MATN2: variants seen among roughly 807,000 people sequenced by gnomAD.
The protein encoded by MATN2 is matrilin-2.
In MATN2, 69 loss-of-function variants were observed where a neutral mutation model predicts 103.2. That is an observed-to-expected ratio of 0.67 (90% CI 0.55 to 0.82). The LOEUF (loss-of-function observed/expected upper bound fraction) is 0.82. MATN2 is among the 40% of genes least tolerant of loss of function. MATN2 has a pLI of 0.00. For missense variants in MATN2, 1,023 were observed against 1,211.5 expected, an observed-to-expected ratio of 0.84 and a Z score of 2.31; for synonymous variants, 429 against 450.2, an observed-to-expected ratio of 0.95 and a Z score of 0.60.
chr8:98,036,385 TTTA>T lies in MATN2; in HGVS notation c.*674_*676del, dbSNP rs1189446721. 6.6e-6 allele frequency: 1 copy of T among 152,230 alleles called. No individual in the cohort carries two copies. Among genetic ancestry groups the T allele is most frequent in the African/African-American group, 2.4e-5 (1 of 41,462 alleles). 9.4% of individuals were successfully genotyped at this position (152,230 alleles called of 1,614,324 possible). A position where few individuals can be genotyped will look rare whatever the true frequency, so the allele number is the denominator to read the frequency against. ...CAGCTTAGCAAAAATGAGTATATTT[TTTA>T]ACAAGTGTTGGTAAGGATGTGGAAA... is the stretch of plus-strand genomic sequence containing the variant. On this transcript the variant is annotated 3_prime_UTR_variant, in exon 19 of 19. Coordinates refer to ENST00000254898, the MANE Select transcript of MATN2 (RefSeq NM_002380.5).
In MATN2 at chr8:97,876,186, ATT is replaced by A. The variant is rs899171638; in HGVS notation, c.-27+6918_-27+6919del. Among the ~76,000 whole-genome samples the A allele has an allele frequency of 8.6e-3, 915 of 106,254 alleles. 11 individuals are homozygous for A. The highest frequency in any genetic ancestry group is 0.03 in the African/African-American group (806 of 26,764). The allele number at this position is 106,254 out of a possible 152,430, so 69.7% of individuals were successfully genotyped here. On this transcript the variant is annotated intron_variant, in intron 1 of 18. Transcript: ENST00000254898. Reference sequence around the variant, plus strand: ...GCCACCACGCTTGGCTAATTATTGTATTTTTTTTTTTTTTTTTTTTGAGACAG... The same window carrying A: ...GCCACCACGCTTGGCTAATTATTGTATTTTTTTTTTTTTTTTTTGAGACAG...
intron 2 of MATN2, among the ~76,000 whole-genome samples, chr8:97,899,380 G>A (rs1818913972): frequency 2.6e-5 from 4 of 152,132 alleles, no homozygotes; most frequent in Admixed American, 1.3e-4. Flanking sequence ...CTAGAAATTT[G>A]AGTTGTATAT....
chr8:97,916,478 C>A (rs970221934), intron 2 of MATN2, among the ~76,000 whole-genome samples: 4 of 152,150 alleles, frequency 2.6e-5, no homozygotes, highest in African/African-American at 9.7e-5. Flanking sequence ...CAGATTATTT[C>A]ATCATCCAGG....
chr8:97,984,551 G>A (rs1190549071), intron 6 of MATN2, among the ~76,000 whole-genome samples: 2 of 152,204 alleles, frequency 1.3e-5, no homozygotes, highest in Non-Finnish European at 2.9e-5. Flanking sequence ...TTGTTGAACT[G>A]AGATCCTCCT....
Position 97,979,021 on chromosome 8 carries a change from C to A in MATN2, c.1081+13C>A. ...AAAACGTGCACAAGTAAGTTACACA[C>A]ACATGCACACACAGAGAAATATTTG... On this transcript the variant is annotated intron_variant, in intron 6 of 18. Coordinates refer to ENST00000254898, the MANE Select transcript of MATN2 (RefSeq NM_002380.5). The A allele has an allele frequency of 6.3e-7, 1 of 1,596,802 alleles. No homozygotes were observed. Among genetic ancestry groups the A allele is most frequent in the Non-Finnish European group, 8.5e-7 (1 of 1,171,556 alleles).
intron 6 of MATN2, among the ~76,000 whole-genome samples, chr8:97,988,904 A>T (rs1490082703): frequency 6.6e-6 from 1 of 152,214 alleles, no homozygotes; most frequent in Non-Finnish European, 1.5e-5. Flanking sequence ...AAAACTATAC[A>T]CAAATATTTC....
intron 1 of MATN2, among the ~76,000 whole-genome samples, chr8:97,877,959 C>T (rs1200668986): frequency 1.3e-5 from 2 of 151,664 alleles, no homozygotes; most frequent in Non-Finnish European, 2.9e-5. Flanking sequence ...CAGTCTCACC[C>T]AGGATTTCGG....
At chr8:98,003,822 G>A (rs779531859) in intron 8 of MATN2, 39 bp downstream of exon 8, 29 of 1,612,212 alleles carry the variant, frequency 1.8e-5, no homozygotes, top group Non-Finnish European at 1.9e-5. Flanking sequence ...ATGGAAGGTG[G>A]GGTCCACTCA....
chr8:97,891,124 A>G (rs544067427), intron 2 of MATN2, among the ~76,000 whole-genome samples: 1 of 152,260 alleles, frequency 6.6e-6, no homozygotes, highest in African/African-American at 2.4e-5. Context: ...GTAGTGTTTA[A>G]GATGAATAGA....
At chr8:97,882,914 A>G (rs1396131817) in intron 1 of MATN2, among the ~76,000 whole-genome samples, 2 of 151,792 alleles carry the variant, frequency 1.3e-5, no homozygotes, top group African/African-American at 2.4e-5. Context: ...TCATATGTTT[A>G]TTTTTCATCC....
chr8:97,931,596 T>TCATTCAA lies in MATN2; in HGVS notation c.712+74_712+75insCATTCAA. On this transcript the variant is annotated intron_variant, in intron 3 of 18. Coordinates refer to ENST00000254898, the MANE Select transcript of MATN2 (RefSeq NM_002380.5). The surrounding 1 kb of genome is among the most constrained non-coding windows in gnomAD (Gnocchi z 4.1). The stretch of plus-strand genomic sequence containing the variant: ...TTCATTCATCTTCAAGTGTTCATTC[T>TCATTCAA]GTGTTACTATGTCCCAGGTACTGTG... 13 of 1,366,168 alleles carry TCATTCAA rather than the reference T, an allele frequency of 9.5e-6. No individual in the cohort carries two copies. The highest frequency in any genetic ancestry group is 1.3e-5 in the Non-Finnish European group (13 of 1,009,210). The allele number at this position is 1,366,168 out of a possible 1,614,324, so 84.6% of individuals were successfully genotyped here.
chr8:97,903,074 C>A (rs998889233), intron 2 of MATN2, among the ~76,000 whole-genome samples: 44 of 152,254 alleles, frequency 2.9e-4, no homozygotes, highest in African/African-American at 9.9e-4. Flanking sequence ...TTTAGGTAGC[C>A]AGTCCTGCTG....
Position 97,974,485 on chromosome 8 carries a change from C to T in MATN2, c.959-4401C>T, listed in dbSNP as rs578152906. ...TTTTTGAGATGTAGTCTCACACTGT[C>T]GCCCAGGCTGGAATGCAGTGGCACG... On this transcript the variant is annotated intron_variant, in intron 5 of 18. Transcript: ENST00000254898. 5.1e-4 allele frequency among the ~76,000 whole-genome samples: 76 copies of T among 147,614 alleles called. 1 individual carries two copies. In the South Asian group the frequency reaches 0.015, roughly 29 times the overall value.
In MATN2 at chr8:98,027,438, C is replaced by T. The variant is rs1221709282; in HGVS notation, c.1965C>T (p.Asp655=). The T allele has an allele frequency of 1.2e-6, 2 of 1,608,792 alleles. No homozygotes were observed. The highest frequency in any genetic ancestry group is 4.5e-5 in the East Asian group (2 of 44,640). ...TAGAATGCACTGAAGGCCCAATTGA[C>T]CTGGTCTTTGTGATCGATGGATCCA... The part of the protein sequence containing the change: ...RCKKCTEGPI[D]LVFVIDGSKS... Residue 655 remains aspartate, a synonymous_variant, in exon 14 of 19, where the codon GAC becomes GAT. Coordinates refer to ENST00000254898, the MANE Select transcript of MATN2 (RefSeq NM_002380.5).
At chr8:98,011,780 C>T (rs1391713037) in intron 10 of MATN2, among the ~76,000 whole-genome samples, 1 of 152,184 alleles carries the variant, frequency 6.6e-6, no homozygotes, top group Non-Finnish European at 1.5e-5. Context: ...CGCAGGATTG[C>T]TGTCTGTCAT....
intron 1 of MATN2, among the ~76,000 whole-genome samples, chr8:97,871,333 C>T (rs549159880): frequency 9.9e-5 from 15 of 152,230 alleles, no homozygotes; most frequent in Non-Finnish European, 1.8e-4. Flanking sequence ...GGGGAGAGAC[C>T]GGCTTAGGCC....
At chr8:97,938,707 T>A (rs958652943) in intron 3 of MATN2, among the ~76,000 whole-genome samples, 2 of 152,194 alleles carry the variant, frequency 1.3e-5, no homozygotes, top group Non-Finnish European at 2.9e-5. Context: ...AATAATTATG[T>A]TTTATAAAGT....
At position 97,930,968 on chromosome 8, in the gene MATN2, A is replaced by C. The variant is rs749905044; in HGVS notation, c.158A>C (p.Asn53Thr). 6.2e-7 allele frequency: 1 copy of C among 1,608,962 alleles called. No homozygotes were observed. Among genetic ancestry groups the C allele is most frequent in the Non-Finnish European group, 8.5e-7 (1 of 1,176,914 alleles). The change falls in exon 3 of 19, where the codon AAC becomes ACC. Residue 53 changes from asparagine (N) to threonine (T), a missense_variant. Asn to Thr is a moderately conservative substitution (Grantham distance 65). Transcript: ENST00000254898. ...CTTTCCCCAGAGAGTTCCTGTGAGA[A>C]CAAGCGGGCAGACCTGGTTTTCATC... ...QTALLESSCE[N>T]KRADLVFIID... is the part of the protein sequence containing the mutation.
chr8:97,988,189 T>TATATATATATATATATACACACACACAC (rs71570279), intron 6 of MATN2, among the ~76,000 whole-genome samples: 1 of 54,962 alleles, frequency 1.8e-5, no homozygotes, highest in African/African-American at 7.8e-5. Flanking sequence ...TATATATATA[T>TATATATATATATATATACACACACACAC]ACACACACAC....
Sources: gnomAD v4.1 joint callset for allele counts (sites outside exome capture counted in the v4.1 genomes callset) on GRCh38, gnomAD v4.1.1 for gene constraint, Gnocchi (gnomAD v3.1) non-coding constraint, MANE v1.5 for transcripts, NCBI Gene and HGNC (gene_info 2026-07-23, HGNC 2026-07-21) for gene names.